Variants in MEAF6 observed in about 807,000 individuals in gnomAD.
MEAF6 encodes the protein MYST/Esa1 associated factor 6, also known as chromatin modification-related protein MEAF6.
In MEAF6, 15 loss-of-function variants were observed where a neutral mutation model predicts 28.9. That is an observed-to-expected ratio of 0.52 (90% CI 0.35 to 0.80). The LOEUF (loss-of-function observed/expected upper bound fraction) is 0.80, where lower values mean the gene tolerates loss of function less well. Among genes scored for constraint, MEAF6 ranks in the 30% least tolerant of loss-of-function variants. The pLI is 0.01. For missense variants in MEAF6, 178 were observed against 237.5 expected, an observed-to-expected ratio of 0.75 and a Z score of 1.65; for synonymous variants, 97 against 88.7, an observed-to-expected ratio of 1.09 and a Z score of -0.53.
chr1:37,504,109 T>C (rs1200070139), intron 4 of MEAF6, among the ~76,000 whole-genome samples: 4 of 152,110 alleles, frequency 2.6e-5, no homozygotes, highest in East Asian at 1.9e-4. Context: ...CCTGTGATAG[T>C]GAGGGAGTTC....
At chr1:37,507,669 G>C (rs1230463956) in intron 4 of MEAF6, among the ~76,000 whole-genome samples, 2 of 151,978 alleles carry the variant, frequency 1.3e-5, no homozygotes, top group East Asian at 3.9e-4. Flanking sequence ...GATTATGAGT[G>C]GAAATGTCTA....
chr1:37,499,091 C>G (rs1271873598), intron 5 of MEAF6, among the ~76,000 whole-genome samples: 1 of 151,976 alleles, frequency 6.6e-6, no homozygotes, highest in Admixed American at 6.6e-5. Context: ...GTCAAAGCTG[C>G]AATGACCCAT....
intron 5 of MEAF6, among the ~76,000 whole-genome samples, chr1:37,499,149 T>A (rs1193875310): frequency 2.0e-5 from 3 of 151,866 alleles, no homozygotes; most frequent in East Asian, 1.9e-4. Flanking sequence ...AGACCTTGTT[T>A]CAAGAAAAAA....
rs1328672178 is a variant in MEAF6 at position 37,503,682 on chromosome 1, G to A, written c.341-1686C>T. ...TCAAAAAAAAAAAAAAAAAAAAAAA[G>A]GCTGCACACAGTGGCTCATGCCTGT... On this transcript the variant is annotated intron_variant, in intron 4 of 6. Coordinates refer to ENST00000296214, the MANE Select transcript of MEAF6 (RefSeq NM_001270875.3). 5.4e-5 allele frequency among the ~76,000 whole-genome samples: 7 copies of A among 128,674 alleles called. No homozygotes were observed. In the South Asian group the frequency reaches 1.1e-3, roughly 20 times the overall value. The allele number at this position is 128,674 out of a possible 152,430, so 84.4% of individuals were successfully genotyped here.
intron 2 of MEAF6, among the ~76,000 whole-genome samples, chr1:37,512,808 C>G (rs960765209): frequency 3.9e-5 from 6 of 152,184 alleles, no homozygotes; most frequent in Non-Finnish European, 8.8e-5. Context: ...GGGAGGATCA[C>G]TTCAGCCCAG....
At chr1:37,507,146 C>A (rs1642511967) in intron 4 of MEAF6, among the ~76,000 whole-genome samples, 1 of 151,990 alleles carries the variant, frequency 6.6e-6, no homozygotes, top group Non-Finnish European at 1.5e-5. Context: ...ATTGTGAGAC[C>A]CCATCTCTGC....
In MEAF6 at chr1:37,494,469, C is replaced by T. The variant is rs141384337; in HGVS notation, c.568-362G>A. Among the ~76,000 whole-genome samples the T allele has an allele frequency of 3.2e-3, 446 of 141,366 alleles. 3 individuals are homozygous for T. Among genetic ancestry groups the T allele is most frequent in the East Asian group, 0.031 (145 of 4,694 alleles). The allele number at this position is 141,366 out of a possible 152,430, so 92.7% of individuals were successfully genotyped here. Reference sequence around the variant, plus strand: ...GGCGGAGGTTGCAGTGAGCCAAGATCGCGCCATTGCACTCCAGCCTGGGTG... The same window carrying T: ...GGCGGAGGTTGCAGTGAGCCAAGATTGCGCCATTGCACTCCAGCCTGGGTG... On this transcript the variant is annotated intron_variant, in intron 6 of 6. Coordinates refer to ENST00000296214, the MANE Select transcript of MEAF6 (RefSeq NM_001270875.3).
At chr1:37,498,405 AT>A (rs202195694) in intron 5 of MEAF6, among the ~76,000 whole-genome samples, 2 of 125,510 alleles carry the variant, frequency 1.6e-5, no homozygotes, top group African/African-American at 6.0e-5. Context: ...TAGCTATGTT[AT>A]TTTTTATTAT....
At chr1:37,498,411 TA>T (rs1406085378) in intron 5 of MEAF6, among the ~76,000 whole-genome samples, 27 of 47,648 alleles carry the variant, frequency 5.7e-4, no homozygotes, top group African/African-American at 2.3e-3. Flanking sequence ...TGTTATTTTT[TA>T]TTATTATTAT....
At chr1:37,503,521 T>A (rs1296179698) in intron 4 of MEAF6, among the ~76,000 whole-genome samples, 2 of 151,910 alleles carry the variant, frequency 1.3e-5, no homozygotes, top group South Asian at 4.2e-4. Context: ...CCAGACATGG[T>A]GGCACATGCC....
chr1:37,512,077 GA>G (rs939017263), intron 2 of MEAF6, among the ~76,000 whole-genome samples: 1 of 152,020 alleles, frequency 6.6e-6, no homozygotes, highest in Non-Finnish European at 1.5e-5. Flanking sequence ...CGTTAAGTGG[GA>G]AAAAAAGGTA....
intron 6 of MEAF6, among the ~76,000 whole-genome samples, chr1:37,494,849 T>G (rs1166082151): frequency 1.3e-5 from 2 of 151,364 alleles, no homozygotes; most frequent in African/African-American, 2.4e-5. Context: ...AAAAAAAATT[T>G]AAAAAAAGAT....
intron 4 of MEAF6, among the ~76,000 whole-genome samples, chr1:37,502,263 T>C (rs1642333325): frequency 6.6e-6 from 1 of 152,220 alleles, no homozygotes; most frequent in African/African-American, 2.4e-5. Context: ...TTTATAGAGA[T>C]GAGAGTCTGG....
rs1003174203 is a variant in MEAF6, at chr1:37,491,445, T to C, written c.*2654A>G. On this transcript the variant is annotated 3_prime_UTR_variant, in exon 7 of 7. Coordinates refer to ENST00000296214, the MANE Select transcript of MEAF6 (RefSeq NM_001270875.3). ...GCTTGATACCTATAATCCCAGCACTTTGGGAGGCCAAGGCAGAAGGACTGC... is the reference window on the plus strand; with the variant it reads ...GCTTGATACCTATAATCCCAGCACTCTGGGAGGCCAAGGCAGAAGGACTGC... Among the ~76,000 whole-genome samples, 7 of 152,152 alleles carry C rather than the reference T, an allele frequency of 4.6e-5. No homozygotes were observed. The highest frequency in any genetic ancestry group is 3.9e-4 in the Admixed American group (6 of 15,284).
chr1:37,500,250 G>A (rs34889675), intron 5 of MEAF6, among the ~76,000 whole-genome samples: 19,783 of 151,938 alleles, frequency 0.13, 1,580 homozygotes, highest in South Asian at 0.17. Flanking sequence ...GGCTGAGATC[G>A]TGCCACTGCA....
At chr1:37,513,698 G>C in intron 1 of MEAF6, 160 bp from the exon 2 acceptor site, 1 of 646,494 alleles carries the variant, frequency 1.5e-6, no homozygotes, top group Non-Finnish European at 2.8e-6. Context: ...AGCCGTTTAG[G>C]ACTAAGACAG....
rs1052127573 is a variant in MEAF6, at chr1:37,492,954, C to T, written c.*1145G>A. 3 of 152,192 alleles carry T rather than the reference C, an allele frequency of 2.0e-5. No individual in the cohort carries two copies. 9.4% of individuals were successfully genotyped at this position (152,192 alleles called of 1,614,324 possible). ...GGATCCAGGCATGAGTATTTTAAAG[C>T]TTCTCAGGTGATTCCAATGTGCAGC... On this transcript the variant is annotated 3_prime_UTR_variant, in exon 7 of 7. Transcript: ENST00000296214.
chr1:37,494,848 T>G (rs1393197740), intron 6 of MEAF6, among the ~76,000 whole-genome samples: 1 of 151,124 alleles, frequency 6.6e-6, no homozygotes, highest in Non-Finnish European at 1.5e-5. Context: ...AAAAAAAAAT[T>G]TAAAAAAAGA....
In MEAF6 at chr1:37,490,590, G is replaced by C. The variant is rs966385845; in HGVS notation, c.*3509C>G. 2.0e-5 allele frequency among the ~76,000 whole-genome samples: 3 copies of C among 152,182 alleles called. No individual in the cohort carries two copies. Among genetic ancestry groups the C allele is most frequent in the African/African-American group, 7.2e-5 (3 of 41,440 alleles). ...GCTACGTTACTCAGGCTGAAGTGCA[G>C]TGGCCATTCACAGAAATGATCATAG... is the stretch of plus-strand genomic sequence containing the variant. On this transcript the variant is annotated 3_prime_UTR_variant, in exon 7 of 7. Coordinates refer to ENST00000296214, the MANE Select transcript of MEAF6 (RefSeq NM_001270875.3).
Sources: allele counts gnomAD v4.1 joint callset (sites outside exome capture counted in the v4.1 genomes callset), GRCh38; gene constraint gnomAD v4.1.1; transcripts MANE v1.5; gene names NCBI Gene and HGNC (gene_info 2026-07-23, HGNC 2026-07-21).